CAPN9: variants seen among roughly 807,000 people sequenced by gnomAD.
CAPN9 encodes calpain-9.
Under a neutral mutation model 92.8 loss-of-function variants are expected in CAPN9, and 81 were observed. That is an observed-to-expected ratio of 0.87 (90% CI 0.73 to 1.05). CAPN9 has a LOEUF of 1.05. CAPN9 is among the 50% of genes least tolerant of loss of function. The pLI, the probability that CAPN9 is intolerant of heterozygous loss-of-function variation, is 0.00. For synonymous variants in CAPN9, 304 were observed against 328.0 expected, an observed-to-expected ratio of 0.93 and a Z score of 0.79; for missense variants, 848 against 866.2, an observed-to-expected ratio of 0.98 and a Z score of 0.26.
rs79523402 is a variant in CAPN9, at chr1:230,768,345, C to T, written c.705+636C>T. 3.9e-4 allele frequency among the ~76,000 whole-genome samples: 59 copies of T among 152,254 alleles called. No individual in the cohort carries two copies. In the East Asian group the frequency reaches 0.01, roughly 26 times the overall value. On this transcript the variant is annotated intron_variant, in intron 5 of 19. Transcript: ENST00000271971. ...AACAATCTTGAGGCCCATACAGGCG[C>T]ATTTTTACCTCCCTCCCACCCGTTT...
chr1:230,747,620 C>A lies in CAPN9; in HGVS notation c.124C>A (p.Leu42Met). The A allele has an allele frequency of 6.2e-7, 1 of 1,614,100 alleles. No homozygotes were observed. The highest frequency in any genetic ancestry group is 8.5e-7 in the Non-Finnish European group (1 of 1,180,022). ...MRQECLQRGT[L>M]FEDADFPASN... ...GCAGGAGTGCCTGCAGAGAGGCACC[C>A]TGTTTGAGGATGCAGACTTCCCAGC... Residue 42 changes from leucine to methionine, a missense_variant, in exon 1 of 20, where the codon CTG becomes ATG. Leu to Met is a conservative substitution (Grantham distance 15). Transcript: ENST00000271971.
At chr1:230,755,779 C>T (rs1178834185) in intron 2 of CAPN9, among the ~76,000 whole-genome samples, 1 of 152,198 alleles carries the variant, frequency 6.6e-6, no homozygotes, top group East Asian at 1.9e-4. Context: ...TCACAACCCA[C>T]CCTCCTAACG....
At chr1:230,768,776 A>G (rs1666183823) in intron 5 of CAPN9, among the ~76,000 whole-genome samples, 1 of 151,968 alleles carries the variant, frequency 6.6e-6, no homozygotes, top group Admixed American at 6.6e-5. Context: ...TTGCTAATGA[A>G]TTAGCCAGTT....
In CAPN9 at chr1:230,758,943, T is replaced by A. The variant is rs58866321; in HGVS notation, c.284-569T>A. Among the ~76,000 whole-genome samples, 3 of 152,326 alleles carry A rather than the reference T, an allele frequency of 2.0e-5. No individual in the cohort carries two copies. In the East Asian group the frequency reaches 5.8e-4, roughly 29 times the overall value. ...TTTGATGTTTGACTTCACTTTTTAG[T>A]TTTCCTCCAGATGTGTGTTAACATG... On this transcript the variant is annotated intron_variant, in intron 2 of 19. Transcript: ENST00000271971.
intron 1 of CAPN9, among the ~76,000 whole-genome samples, chr1:230,751,629 AAG>A (rs1553256079): frequency 3.5e-5 from 3 of 84,604 alleles, no homozygotes; most frequent in African/African-American, 1.8e-4. Context: ...GAAAGAAAGA[AAG>A]AAAGAAAGAA....
At chr1:230,773,384 G>A (rs1257563139) in intron 7 of CAPN9, among the ~76,000 whole-genome samples, 9 of 152,174 alleles carry the variant, frequency 5.9e-5, no homozygotes, top group Non-Finnish European at 8.8e-5. Flanking sequence ...GTGAGACTGC[G>A]TCACGTTGTA....
chr1:230,800,483 G>T (rs546948631), intron 19 of CAPN9, among the ~76,000 whole-genome samples: 1 of 152,264 alleles, frequency 6.6e-6, no homozygotes, highest in Admixed American at 6.5e-5. Flanking sequence ...AGGCTCCAGA[G>T]CACCAGCAGT....
chr1:230,779,260 G>GA, intron 9 of CAPN9, 127 bp downstream of exon 9: 4 of 821,064 alleles, frequency 4.9e-6, no homozygotes, highest in Non-Finnish European at 7.5e-6. Flanking sequence ...AGTGACTGGG[G>GA]AAAAAAGGCT....
At chr1:230,798,670 A>G (rs1377898912) in intron 19 of CAPN9, among the ~76,000 whole-genome samples, 1 of 152,184 alleles carries the variant, frequency 6.6e-6, no homozygotes, top group Non-Finnish European at 1.5e-5. Context: ...GGGCCATTGT[A>G]GCAATGACGG....
chr1:230,763,743 G>T (rs3790962), intron 4 of CAPN9, among the ~76,000 whole-genome samples: 37,937 of 152,180 alleles, frequency 0.25, 5,565 homozygotes, highest in Non-Finnish European at 0.34. Flanking sequence ...TAGAGGGGAG[G>T]CATACTGTGG....
chr1:230,762,402 C>G (rs1280959255), intron 3 of CAPN9, among the ~76,000 whole-genome samples: 1 of 152,256 alleles, frequency 6.6e-6, no homozygotes, highest in Non-Finnish European at 1.5e-5. Context: ...CCTGCATCGC[C>G]TGCGGCTTTG....
chr1:230,771,568 A>G (rs1666388215), intron 6 of CAPN9, among the ~76,000 whole-genome samples: 1 of 152,252 alleles, frequency 6.6e-6, no homozygotes, highest in South Asian at 2.1e-4. Context: ...ATGGGATGCT[A>G]GGATGAAGAA....
intron 4 of CAPN9, among the ~76,000 whole-genome samples, chr1:230,764,957 A>G (rs1236584571): frequency 6.6e-6 from 1 of 152,180 alleles, no homozygotes; most frequent in African/African-American, 2.4e-5. Flanking sequence ...TCATACACAT[A>G]TGTATTTCCT....
chr1:230,767,823 A>C, intron 5 of CAPN9, 114 bp downstream of exon 5: 2 of 944,662 alleles, frequency 2.1e-6, no homozygotes, highest in East Asian at 2.5e-5. Context: ...GAGGGGCATA[A>C]CTCTTGGGGG....
chr1:230,761,909 G>A (rs1291668381), intron 3 of CAPN9, among the ~76,000 whole-genome samples: 1 of 152,160 alleles, frequency 6.6e-6, no homozygotes, highest in Non-Finnish European at 1.5e-5. Context: ...ACACACGTGT[G>A]TAGAAGCACT....
intron 11 of CAPN9, among the ~76,000 whole-genome samples, chr1:230,783,602 G>A (rs990273733): frequency 6.6e-6 from 1 of 152,196 alleles, no homozygotes. Context: ...AAGGAGTTAA[G>A]TTAACTTCTA....
chr1:230,798,249 G>T, intron 19 of CAPN9, 29 bp downstream of exon 19: 2 of 1,527,474 alleles, frequency 1.3e-6, no homozygotes, highest in Non-Finnish European at 1.8e-6. Flanking sequence ...CTCTGCTCAG[G>T]GACCCAGCTG....
chr1:230,767,771 C>A, intron 5 of CAPN9, 62 bp downstream of exon 5: 2 of 1,503,524 alleles, frequency 1.3e-6, no homozygotes, highest in East Asian at 4.6e-5. Context: ...GCATTCCAGG[C>A]ACTATGCTGG....
chr1:230,801,766 T>C lies in CAPN9; in HGVS notation c.*170T>C, dbSNP rs1051754295. 9 of 676,474 alleles carry C rather than the reference T, an allele frequency of 1.3e-5. No individual in the cohort carries two copies. The highest frequency in any genetic ancestry group is 2.4e-5 in the Non-Finnish European group (9 of 376,222). The allele number at this position is 676,474 out of a possible 1,614,324, so 41.9% of individuals were successfully genotyped here. ...AAGAATGAAATGAACTCAGCTACAC[T>C]CTCTGATTTTGTGCTACTCCTTTGT... On this transcript the variant is annotated 3_prime_UTR_variant, in exon 20 of 20. Coordinates refer to ENST00000271971, the MANE Select transcript of CAPN9 (RefSeq NM_006615.3).
Sources: allele counts gnomAD v4.1 joint callset (sites outside exome capture counted in the v4.1 genomes callset), GRCh38; gene constraint gnomAD v4.1.1; transcripts MANE v1.5; gene names NCBI Gene and HGNC (gene_info 2026-07-23, HGNC 2026-07-21).